RP1: variants seen among roughly 807,000 people sequenced by gnomAD.
RP1 encodes the protein RP1 axonemal microtubule associated, also known as oxygen-regulated protein 1.
A neutral mutation model predicts 14.8 loss-of-function variants in RP1; 16 were observed. The ratio of observed to expected loss-of-function variants is 1.08; its 90% CI spans 0.73 to 1.65. The LOEUF (loss-of-function observed/expected upper bound fraction) is 1.65. RP1 is among the 40% of genes most tolerant of loss of function. RP1 has a pLI of 0.00. For synonymous variants in RP1, 876 were observed against 883.6 expected (o/e 0.99, Z 0.15); for missense variants, 2,631 against 2,535.0 (o/e 1.04, Z -0.81).
intron 24 of RP1, among the ~76,000 whole-genome samples, chr8:54,831,011 C>G (rs142120552): frequency 1.3e-5 from 2 of 151,988 alleles, no homozygotes; most frequent in Non-Finnish European, 1.5e-5. Flanking sequence ...TGAGTTTTAT[C>G]CATGTTGAAG....
At chr8:54,650,316 T>G (rs1563337963) in intron 4 of RP1, among the ~76,000 whole-genome samples, 2 of 152,168 alleles carry the variant, frequency 1.3e-5, no homozygotes, top group African/African-American at 4.8e-5. Flanking sequence ...TGATCACAGT[T>G]TCGTTTGTTC....
intron 23 of RP1, among the ~76,000 whole-genome samples, chr8:54,779,929 C>T (rs897722549): frequency 1.3e-5 from 2 of 152,230 alleles, no homozygotes; most frequent in African/African-American, 2.4e-5. Flanking sequence ...TGAAAAACCA[C>T]TCCCAAACTC....
At chr8:54,701,567 G>A (rs1808020719) in exon 14 of RP1, 2 of 1,535,620 alleles carry the variant, frequency 1.3e-6, no homozygotes, top group Non-Finnish European at 1.7e-6. Flanking sequence ...ACTGGTTCCT[G>A]GTCACACAGT....
At chr8:54,582,338 C>T (rs1298769553) in intron 1 of RP1, among the ~76,000 whole-genome samples, 1 of 152,006 alleles carries the variant, frequency 6.6e-6, no homozygotes, top group Admixed American at 6.6e-5. Flanking sequence ...TTTCTGAGGG[C>T]TCTGTTCTGT....
intron 1 of RP1, among the ~76,000 whole-genome samples, chr8:54,571,161 TC>T (rs11314142): frequency 1 from 152,276 of 152,276 alleles, 76,138 homozygotes; most frequent in Non-Finnish European, 1. Flanking sequence ...CACTGTGCCC[TC>T]CCCCTCCTTA....
rs778393884 is a variant in RP1 at position 54,628,652 on chromosome 8, T to C, written c.4770T>C (p.Asp1590=). ...KKCIKSPVTS[D]WSDYRPDSDS... ...GCATCAAAAGTCCAGTGACTTCTGA[T>C]TGGTCAGACTATCGGCCTGACAGTG... is the stretch of plus-strand genomic sequence containing the variant. The change falls in exon 4 of 4, where the codon GAT becomes GAC. Residue 1590 remains aspartate, a synonymous_variant. Coordinates refer to ENST00000220676, the MANE Select transcript of RP1 (RefSeq NM_006269.2). 15 of 1,614,084 alleles carry C rather than the reference T, an allele frequency of 9.3e-6. No individual in the cohort carries two copies. Among genetic ancestry groups the C allele is most frequent in the South Asian group, 2.2e-5 (2 of 91,084 alleles).
chr8:54,648,932 T>C, intron 3 of RP1: 2 of 1,336,330 alleles, frequency 1.5e-6, no homozygotes, highest in Non-Finnish European at 2.0e-6. Context: ...CTGTTCTGAG[T>C]CTTCCATTTC....
intron 25 of RP1, among the ~76,000 whole-genome samples, chr8:54,848,919 T>C (rs1811993604): frequency 6.6e-6 from 1 of 152,138 alleles, no homozygotes; most frequent in African/African-American, 2.4e-5. Flanking sequence ...CTGCGAATTT[T>C]TGTATTTTTA....
At chr8:54,679,773 T>C in intron 11 of RP1, 1 of 1,533,710 alleles carries the variant, frequency 6.5e-7, no homozygotes, top group South Asian at 1.2e-5. Flanking sequence ...TACTGGTGTT[T>C]TCATTTGTTT....
intron 24 of RP1, among the ~76,000 whole-genome samples, chr8:54,794,794 G>A (rs1810543612): frequency 6.6e-6 from 1 of 151,820 alleles, no homozygotes; most frequent in Non-Finnish European, 1.5e-5. Context: ...AAGGCAATGA[G>A]TTGAAATGAA....
At chr8:54,808,687 G>A (rs1810916651) in intron 24 of RP1, among the ~76,000 whole-genome samples, 1 of 152,172 alleles carries the variant, frequency 6.6e-6, no homozygotes, top group South Asian at 2.1e-4. Context: ...GCTTCCAATT[G>A]TTAAGTCAGA....
At chr8:54,771,488 T>A (rs1809906227), downstream of RP1, among the ~76,000 whole-genome samples, 1 of 152,070 alleles carries the variant, frequency 6.6e-6, no homozygotes, top group Non-Finnish European at 1.5e-5. Context: ...ACAGGGAAGG[T>A]GTTGACCTAG....
intron 19 of RP1, among the ~76,000 whole-genome samples, chr8:54,743,842 C>T (rs1003666093): frequency 6.6e-6 from 1 of 152,172 alleles, no homozygotes; most frequent in Non-Finnish European, 1.5e-5. Context: ...TGCCCATTCA[C>T]CTCAGCCCTG....
chr8:54,583,381 G>A (rs542375532), intron 1 of RP1, among the ~76,000 whole-genome samples: 25 of 152,294 alleles, frequency 1.6e-4, no homozygotes, highest in African/African-American at 5.3e-4. Context: ...GCTTTTTGAT[G>A]TGCTGCTGGA....
At chr8:54,611,828 A>T (rs1308836714), upstream of RP1, among the ~76,000 whole-genome samples, 2 of 151,428 alleles carry the variant, frequency 1.3e-5, no homozygotes, top group African/African-American at 4.9e-5. Flanking sequence ...TGGAAATTTA[A>T]TCCTCTCCCC....
chr8:54,700,674 T>C (rs1454382473), intron 13 of RP1, among the ~76,000 whole-genome samples: 2 of 152,208 alleles, frequency 1.3e-5, no homozygotes, highest in Non-Finnish European at 2.9e-5. Flanking sequence ...AAATTAAGGC[T>C]ACCTTAAAGC....
At chr8:54,777,721 A>T (rs1772185986) in intron 23 of RP1, among the ~76,000 whole-genome samples, 1 of 152,214 alleles carries the variant, frequency 6.6e-6, no homozygotes, top group Non-Finnish European at 1.5e-5. Flanking sequence ...ACATAGAATT[A>T]TTTGGAGATA....
intron 24 of RP1, among the ~76,000 whole-genome samples, chr8:54,814,777 A>G (rs904450074): frequency 4.9e-4 from 75 of 152,224 alleles, no homozygotes; most frequent in African/African-American, 1.8e-3. Context: ...GACAGTGCCC[A>G]TGGGCTCATT....
chr8:54,586,819 G>A (rs148994302), intron 1 of RP1, among the ~76,000 whole-genome samples: 2 of 152,334 alleles, frequency 1.3e-5, no homozygotes, highest in African/African-American at 4.8e-5. Flanking sequence ...ATCTCGTGGT[G>A]TGCCGTTTGC....
Sources: allele counts gnomAD v4.1 joint callset (sites outside exome capture counted in the v4.1 genomes callset), GRCh38; gene constraint gnomAD v4.1.1; transcripts MANE v1.5; gene names NCBI Gene and HGNC (gene_info 2026-07-23, HGNC 2026-07-21).